DNAJC3: variants seen among roughly 807,000 people sequenced by gnomAD.
DNAJC3 encodes dnaJ homolog subfamily C member 3.
In DNAJC3, 38 loss-of-function variants were observed where a neutral mutation model predicts 68.6. The observed-to-expected ratio is 0.55, with a 90% CI of 0.43 to 0.73. The LOEUF (loss-of-function observed/expected upper bound fraction) is 0.73. Among genes scored for constraint, DNAJC3 ranks in the 30% least tolerant of loss-of-function variants. The probability of loss-of-function intolerance (pLI) is 0.00; values close to 1 mark genes in which losing one functional copy is unlikely to be tolerated. For missense variants in DNAJC3, 526 were observed against 591.9 expected, an observed-to-expected ratio of 0.89 and a Z score of 1.16; for synonymous variants, 203 against 204.0, an observed-to-expected ratio of 1.00 and a Z score of 0.04.
At chr13:95,740,882 TAGTTCC>T (rs1421479418) in intron 4 of DNAJC3, among the ~76,000 whole-genome samples, 1 of 152,234 alleles carries the variant, frequency 6.6e-6, no homozygotes, top group African/African-American at 2.4e-5. Flanking sequence ...GTGAATTCTT[TAGTTCC>T]AGTATTTGTC....
intron 4 of DNAJC3, among the ~76,000 whole-genome samples, chr13:95,733,008 G>T (rs1593987968): frequency 6.6e-6 from 1 of 152,052 alleles, no homozygotes; most frequent in East Asian, 1.9e-4. Context: ...GTACTTACAT[G>T]ATTTTGATAT....
chr13:95,764,051 C>T, intron 9 of DNAJC3, 98 bp downstream of exon 9: 5 of 1,511,078 alleles, frequency 3.3e-6, no homozygotes, highest in Non-Finnish European at 3.5e-6. Context: ...TACCAGAGTA[C>T]CTGGAAATGT....
chr13:95,748,679 G>T (rs1012866335), intron 4 of DNAJC3, among the ~76,000 whole-genome samples: 1 of 152,172 alleles, frequency 6.6e-6, no homozygotes, highest in African/African-American at 2.4e-5. Context: ...AGCTGGGCAT[G>T]TTGGCACACG....
intron 11 of DNAJC3, 112 bp downstream of exon 11, chr13:95,787,267 GC>G: frequency 7.3e-7 from 1 of 1,369,968 alleles, no homozygotes; most frequent in Non-Finnish European, 9.8e-7. Context: ...CGGGTCCTGA[GC>G]CCAGTTCCAG....
chr13:95,739,744 G>A (rs1882060170), intron 4 of DNAJC3, among the ~76,000 whole-genome samples: 1 of 151,760 alleles, frequency 6.6e-6, no homozygotes, highest in African/African-American at 2.4e-5. Flanking sequence ...CAACCTCTTT[G>A]CCTTTGGTTT....
chr13:95,758,303 C>T (rs1882724655), intron 5 of DNAJC3, among the ~76,000 whole-genome samples: 1 of 151,896 alleles, frequency 6.6e-6, no homozygotes, highest in Admixed American at 6.6e-5. Context: ...CTCCACTGTA[C>T]CCCAGCCTGG....
At chr13:95,724,634 C>T (rs1244295594) in intron 3 of DNAJC3, among the ~76,000 whole-genome samples, 2 of 152,272 alleles carry the variant, frequency 1.3e-5, no homozygotes, top group East Asian at 1.9e-4. Context: ...TTTATCGACC[C>T]CCAAAGAAGC....
intron 4 of DNAJC3, among the ~76,000 whole-genome samples, chr13:95,738,446 G>A (rs566755441): frequency 6.6e-6 from 1 of 151,292 alleles, no homozygotes; most frequent in South Asian, 2.1e-4. Flanking sequence ...CATTATTAAT[G>A]TGTGGGAGTC....
chr13:95,745,993 G>A (rs573431664), intron 4 of DNAJC3, among the ~76,000 whole-genome samples: 12 of 152,274 alleles, frequency 7.9e-5, no homozygotes, highest in African/African-American at 2.4e-4. Flanking sequence ...TGCTATATTC[G>A]TAGTCTCAGT....
chr13:95,749,160 C>G (rs1264834006), intron 4 of DNAJC3, among the ~76,000 whole-genome samples: 1 of 152,206 alleles, frequency 6.6e-6, no homozygotes, highest in African/African-American at 2.4e-5. Flanking sequence ...CTTAGATATG[C>G]ATTTTTGTTA....
Position 95,757,690 on chromosome 13 carries a change from A to C in DNAJC3, c.440A>C (p.Gln147Pro). The C allele has an allele frequency of 6.3e-7, 1 of 1,585,228 alleles. No individual in the cohort carries two copies. Among genetic ancestry groups the C allele is most frequent in the Non-Finnish European group, 8.6e-7 (1 of 1,157,182 alleles). The change falls in exon 5 of 12, where the codon CAA becomes CCA. Residue 147 changes from glutamine (Q) to proline (P), a missense_variant. Physicochemically the swap from Gln to Pro is moderately conservative, Grantham distance 76. Coordinates refer to ENST00000602402, the MANE Select transcript of DNAJC3 (RefSeq NM_006260.5). Reference sequence around the variant, plus strand: ...AATGAAGAAAAGGAAGCACAGTCTCAACTTATAAAATCTGATGAAATGCAG... The same window carrying C: ...AATGAAGAAAAGGAAGCACAGTCTCCACTTATAAAATCTGATGAAATGCAG... ...SENEEKEAQS[Q>P]LIKSDEMQRL...
chr13:95,702,728 A>G (rs141210809), intron 1 of DNAJC3, among the ~76,000 whole-genome samples: 1 of 152,340 alleles, frequency 6.6e-6, no homozygotes, highest in Non-Finnish European at 1.5e-5. Context: ...AATGTTGTTT[A>G]TAAGCCATCC....
At chr13:95,679,339 A>C (rs923530148) in intron 1 of DNAJC3, among the ~76,000 whole-genome samples, 1 of 151,604 alleles carries the variant, frequency 6.6e-6, no homozygotes, top group Non-Finnish European at 1.5e-5. Flanking sequence ...CCACTTACAG[A>C]GTTTGATTCA....
chr13:95,744,734 G>A (rs1029480376), intron 4 of DNAJC3: 10 of 152,074 alleles, frequency 6.6e-5, no homozygotes, highest in Non-Finnish European at 1.0e-4. Flanking sequence ...TTAAGCATTC[G>A]GAACCTTGAT....
chr13:95,702,814 G>A (rs1368118621), intron 1 of DNAJC3, among the ~76,000 whole-genome samples: 3 of 152,210 alleles, frequency 2.0e-5, no homozygotes, highest in Non-Finnish European at 4.4e-5. Flanking sequence ...AGCTATCCTT[G>A]CAGGGAAGAA....
Position 95,791,064 on chromosome 13 carries a change from A to AAAG in DNAJC3, c.*36_*38dup. On this transcript the variant is annotated 3_prime_UTR_variant, in exon 12 of 12. Transcript: ENST00000602402. Reference sequence around the variant, plus strand: ...TTTTTCTGCTCTTCTTAATTTTTTTAAAGATTAAAAACAAAGAAATCTTGT... The same window carrying AAAG: ...TTTTTCTGCTCTTCTTAATTTTTTTAAAGAAGATTAAAAACAAAGAAATCTTGT... 1.3e-6 allele frequency: 2 copies of AAAG among 1,598,370 alleles called. No individual in the cohort carries two copies. Among genetic ancestry groups the AAAG allele is most frequent in the Non-Finnish European group, 1.7e-6 (2 of 1,175,360 alleles).
intron 9 of DNAJC3, among the ~76,000 whole-genome samples, chr13:95,768,825 A>G (rs1164056911): frequency 1.3e-5 from 2 of 152,128 alleles, no homozygotes; most frequent in African/African-American, 4.8e-5. Flanking sequence ...AAATGCAAAA[A>G]TTAGCCAGGC....
At chr13:95,787,575 C>A (rs998185385) in intron 11 of DNAJC3, among the ~76,000 whole-genome samples, 1 of 152,096 alleles carries the variant, frequency 6.6e-6, no homozygotes, top group Non-Finnish European at 1.5e-5. Context: ...GGGAGAAGAA[C>A]AGCTGTCTGG....
chr13:95,690,894 C>A (rs377617091), intron 1 of DNAJC3, among the ~76,000 whole-genome samples: 2 of 123,678 alleles, frequency 1.6e-5, no homozygotes, highest in Admixed American at 7.7e-5. Flanking sequence ...ACTTCCCAGA[C>A]GGGGCGGCTG....
Sources: allele counts gnomAD v4.1 joint callset (sites outside exome capture counted in the v4.1 genomes callset), GRCh38; gene constraint gnomAD v4.1.1; transcripts MANE v1.5; gene names NCBI Gene and HGNC (gene_info 2026-07-23, HGNC 2026-07-21).